The following C9orf85 variants were observed in gnomAD, a reference collection of about 807,000 sequenced individuals.
C9orf85 encodes uncharacterized protein C9orf85.
A neutral mutation model predicts 14.9 loss-of-function variants in C9orf85; 16 were observed. That is an observed-to-expected ratio of 1.08 (90% CI 0.73 to 1.63). The LOEUF (loss-of-function observed/expected upper bound fraction) is 1.63. C9orf85 is among the 40% of genes most tolerant of loss of function. The pLI, the probability that C9orf85 is intolerant of heterozygous loss-of-function variation, is 0.00. For synonymous variants in C9orf85, 45 were observed against 56.8 expected, an observed-to-expected ratio of 0.79 and a Z score of 0.93; for missense variants, 172 against 186.1, an observed-to-expected ratio of 0.92 and a Z score of 0.44.
chr9:71,916,050 C>T (rs1216882026), intron 1 of C9orf85, among the ~76,000 whole-genome samples: 1 of 152,134 alleles, frequency 6.6e-6, no homozygotes, highest in African/African-American at 2.4e-5. Flanking sequence ...TTAATTGAAG[C>T]TTGTGATTTG....
chr9:71,974,903 CT>C (rs989341808), downstream of C9orf85, among the ~76,000 whole-genome samples: 1 of 152,106 alleles, frequency 6.6e-6, no homozygotes, highest in Non-Finnish European at 1.5e-5. Flanking sequence ...GCTTGAGCCC[CT>C]TTTTGTGTTT....
At chr9:71,920,181 T>C (rs1465008445) in intron 1 of C9orf85, among the ~76,000 whole-genome samples, 1 of 152,160 alleles carries the variant, frequency 6.6e-6, no homozygotes, top group Non-Finnish European at 1.5e-5. Context: ...AGGCCTGATA[T>C]AATATAATTT....
intron 3 of C9orf85, chr9:71,982,632 C>CTTTTTTTTTTTTTTTTTTTTTTT: frequency 4.0e-6 from 1 of 247,298 alleles, no homozygotes; most frequent in Non-Finnish European, 7.0e-6. Context: ...TTGTATATTT[C>CTTTTTTTTTTTTTTTTTTTTTTT]TTTTTTTTTT....
chr9:71,935,703 G>A (rs1417610922), intron 1 of C9orf85, among the ~76,000 whole-genome samples: 1 of 151,818 alleles, frequency 6.6e-6, no homozygotes, highest in African/African-American at 2.4e-5. Flanking sequence ...AAATTATACA[G>A]ACAGAAAGTG....
intron 2 of C9orf85, among the ~76,000 whole-genome samples, chr9:71,964,809 T>C (rs1393840805): frequency 6.6e-6 from 1 of 152,186 alleles, no homozygotes; most frequent in Non-Finnish European, 1.5e-5. Context: ...TTGGGCCATG[T>C]GGTGAGTGTT....
At chr9:71,976,076 G>GA (rs1448969035), downstream of C9orf85, among the ~76,000 whole-genome samples, 1 of 152,164 alleles carries the variant, frequency 6.6e-6, no homozygotes, top group Non-Finnish European at 1.5e-5. Context: ...TTAGTGCTAA[G>GA]AAAGATTGTT....
chr9:71,956,242 G>GTTTTTTTTTTTTTTTTTTTTTTTTTTT (rs60432625), intron 2 of C9orf85, among the ~76,000 whole-genome samples: 6 of 51,012 alleles, frequency 1.2e-4, no homozygotes, highest in African/African-American at 1.4e-4. Context: ...GAATGCAAAA[G>GTTTTTTTTTTTTTTTTTTTTTTTTTTT]TTTTTTTTTT....
chr9:71,957,712 G>C (rs1822415895), intron 2 of C9orf85, among the ~76,000 whole-genome samples: 1 of 152,058 alleles, frequency 6.6e-6, no homozygotes, highest in Non-Finnish European at 1.5e-5. Context: ...AGTAGTCCAG[G>C]TCTTTTCTTT....
At chr9:71,949,927 CAG>C (rs1822202753) in intron 2 of C9orf85, among the ~76,000 whole-genome samples, 1 of 152,230 alleles carries the variant, frequency 6.6e-6, no homozygotes, top group Admixed American at 6.5e-5. Context: ...AGGGGTGGAT[CAG>C]AGAGTCCTTC....
At chr9:71,965,249 A>G (rs1822658390) in intron 2 of C9orf85, among the ~76,000 whole-genome samples, 1 of 152,104 alleles carries the variant, frequency 6.6e-6, no homozygotes, top group Non-Finnish European at 1.5e-5. Context: ...GCAATAGATG[A>G]TTGGCTATTT....
intron 1 of C9orf85, among the ~76,000 whole-genome samples, chr9:71,946,009 T>A (rs1056241631): frequency 6.6e-6 from 1 of 152,196 alleles, no homozygotes; most frequent in Non-Finnish European, 1.5e-5. Flanking sequence ...TTTAAATTTT[T>A]CCTATCTTCC....
chr9:71,937,024 G>T (rs1348573412), intron 1 of C9orf85, among the ~76,000 whole-genome samples: 1 of 152,122 alleles, frequency 6.6e-6, no homozygotes, highest in African/African-American at 2.4e-5. Flanking sequence ...TTCCCAAAGT[G>T]TTGGGATTAT....
chr9:71,964,634 A>C (rs1208985999), intron 2 of C9orf85, among the ~76,000 whole-genome samples: 5 of 151,846 alleles, frequency 3.3e-5, no homozygotes, highest in Non-Finnish European at 7.4e-5. Flanking sequence ...GAAGGAACAA[A>C]CTCCAGACAC....
intron 1 of C9orf85, among the ~76,000 whole-genome samples, chr9:71,919,612 G>A (rs1827741563): frequency 6.6e-6 from 1 of 152,138 alleles, no homozygotes; most frequent in African/African-American, 2.4e-5. Flanking sequence ...AAGATAATTT[G>A]TGGTGTGCTA....
chr9:71,961,714 C>G (rs1822529772), intron 2 of C9orf85, among the ~76,000 whole-genome samples: 1 of 152,126 alleles, frequency 6.6e-6, no homozygotes, highest in Admixed American at 6.6e-5. Context: ...CATGGTCTTA[C>G]TGTCTTTAAA....
intron 2 of C9orf85, among the ~76,000 whole-genome samples, chr9:71,958,285 G>T (rs895160851): frequency 6.5e-4 from 92 of 142,452 alleles, no homozygotes; most frequent in African/African-American, 2.4e-3. Context: ...TTTTTGAGAC[G>T]GAGTTTCGCT....
rs111388656 is a variant in C9orf85, at chr9:71,960,894, C to T, written c.210-10611C>T. ...CCAGTGTGTGGCAATGCACATTGGC[C>T]GTTTTTCAGTTCCAAATTGTTTTTT... is the stretch of plus-strand genomic sequence containing the variant. On this transcript the variant is annotated intron_variant, in intron 2 of 3. Transcript: ENST00000334731. 4.2e-3 allele frequency among the ~76,000 whole-genome samples: 631 copies of T among 151,024 alleles called. 5 individuals are homozygous for T. Among genetic ancestry groups the T allele is most frequent in the Middle Eastern group, 0.014 (4 of 292 alleles).
intron 1 of C9orf85, among the ~76,000 whole-genome samples, chr9:71,937,772 T>G (rs545219198): frequency 4.3e-4 from 66 of 152,260 alleles, no homozygotes; most frequent in African/African-American, 1.6e-3. Context: ...TTAATTAAAT[T>G]TTTATAGATT....
At chr9:71,935,547 T>C (rs1828168206) in intron 1 of C9orf85, among the ~76,000 whole-genome samples, 1 of 151,810 alleles carries the variant, frequency 6.6e-6, no homozygotes, top group Non-Finnish European at 1.5e-5. Context: ...AATCCCATAC[T>C]TTGGGATACT....
Sources: gnomAD v4.1 joint callset for allele counts (sites outside exome capture counted in the v4.1 genomes callset) on GRCh38, gnomAD v4.1.1 for gene constraint, MANE v1.5 for transcripts, NCBI Gene and HGNC (gene_info 2026-07-23, HGNC 2026-07-21) for gene names.